HIF3A: variants seen among roughly 807,000 people sequenced by gnomAD.
HIF3A encodes hypoxia-inducible factor 3-alpha.
In HIF3A, 41 loss-of-function variants were observed where a neutral mutation model predicts 67.2. The observed-to-expected ratio is 0.61, with a 90% confidence interval of 0.48 to 0.79. HIF3A has a LOEUF of 0.79. HIF3A is among the 30% of genes least tolerant of loss of function. The probability of loss-of-function intolerance (pLI) is 0.00; values close to 1 mark genes in which losing one functional copy is unlikely to be tolerated. For synonymous variants in HIF3A, 356 were observed against 374.8 expected (o/e 0.95, Z 0.58); for missense variants, 855 against 898.0 (o/e 0.95, Z 0.61).
At chr19:46,303,655 C>T (rs966158047) in intron 1 of HIF3A, 1 of 1,585,756 alleles carries the variant, frequency 6.3e-7, no homozygotes, top group Non-Finnish European at 8.6e-7. Context: ...AGGAGCGAGG[C>T]GCCAGAGGCA....
At position 46,321,965 on chromosome 19, in the gene HIF3A, C is replaced by T. The variant is rs141145645; in HGVS notation, c.1334C>T (p.Ser445Leu). ...LATRHPQSPL[S>L]ADLPDELPVG... ...ACACGGCACCCCCAAAGTCCTCTTT[C>T]GGTAAGCCATCCCACCCATGTGAGC... The change falls in exon 10 of 15, where the codon TCG becomes TTG. Residue 445 changes from serine to leucine, a missense_variant and splice_region_variant. By Grantham distance (145) the Ser-to-Leu change is moderately radical. Transcript: ENST00000377670. The T allele has an allele frequency of 1.3e-5, 21 of 1,613,476 alleles. No individual in the cohort carries two copies. The highest frequency in any genetic ancestry group is 6.7e-5 in the Admixed American group (4 of 59,992).
chr19:46,335,454 G>C, intron 14 of HIF3A, among the ~76,000 whole-genome samples: 1 of 151,950 alleles, frequency 6.6e-6, no homozygotes, highest in East Asian at 1.9e-4. Context: ...ATTTTTAGTA[G>C]AGATGAGGTT....
intron 12 of HIF3A, among the ~76,000 whole-genome samples, chr19:46,330,349 A>ATGTG (rs1971108713): frequency 6.6e-6 from 1 of 152,078 alleles, no homozygotes; most frequent in Non-Finnish European, 1.5e-5. Context: ...GTATGTATGT[A>ATGTG]TGTGTGTATG....
intron 9 of HIF3A, among the ~76,000 whole-genome samples, 157 bp from the exon 10 acceptor site, chr19:46,321,619 G>A (rs1165965597): frequency 1.3e-5 from 2 of 152,038 alleles, no homozygotes; most frequent in Non-Finnish European, 2.9e-5. Context: ...GGCCCAGCAG[G>A]GGTCCTCCAG....
At chr19:46,338,374 T>C in intron 14 of HIF3A, 1 of 405,958 alleles carries the variant, frequency 2.5e-6, no homozygotes, top group South Asian at 1.9e-5. Flanking sequence ...GGCTGATGTT[T>C]ATATGTTTTG....
Position 46,308,673 on chromosome 19 carries a change from G to C in HIF3A, c.459G>C (p.Arg153Ser). The change falls in exon 5 of 15, where the codon AGG (arginine) becomes AGC (serine). Residue 153 changes from arginine to serine, a missense_variant. Physicochemically the swap from Arg to Ser is moderately radical, Grantham distance 110 (BLOSUM62 -1). Coordinates refer to ENST00000377670, the MANE Select transcript of HIF3A (RefSeq NM_152795.4). ...CCCGGGCCTCCCCAGCCCTGTCCAG[G>C]AGGAAGGTGGAGGCCCCCACGGAGC... Reference protein sequence around the residue: ...DALTPQQTLSRRKVEAPTERC... With the variant: ...DALTPQQTLSSRKVEAPTERC... 1 of 1,604,924 alleles carries C rather than the reference G, an allele frequency of 6.2e-7. No individual in the cohort carries two copies. The highest frequency in any genetic ancestry group is 8.5e-7 in the Non-Finnish European group (1 of 1,176,014).
At chr19:46,304,247 T>G in intron 2 of HIF3A, 159 bp downstream of exon 2, 4 of 630,104 alleles carry the variant, frequency 6.3e-6, no homozygotes, top group Non-Finnish European at 1.1e-5. Flanking sequence ...TGGAATCGAC[T>G]TCCCCGGGGA....
In HIF3A at chr19:46,311,390, G is replaced by A. The variant is rs149089458; in HGVS notation, c.771-771G>A. Among the ~76,000 whole-genome samples the A allele has an allele frequency of 8.7e-4, 133 of 152,232 alleles. 1 individual carries two copies. Among genetic ancestry groups the A allele is most frequent in the African/African-American group, 2.3e-3 (96 of 41,544 alleles). On this transcript the variant is annotated intron_variant, in intron 6 of 14. Transcript: ENST00000377670. Reference sequence around the variant, plus strand: ...AGGATGGCTTGAGGCCAGGAGTTCCGGATCAGCCTGGACAGCATAGTGAGA... The same window carrying A: ...AGGATGGCTTGAGGCCAGGAGTTCCAGATCAGCCTGGACAGCATAGTGAGA...
intron 8 of HIF3A, 109 bp from the exon 9 acceptor site, chr19:46,320,334 C>T (rs1970264154): frequency 2.6e-6 from 2 of 774,588 alleles, no homozygotes; most frequent in Non-Finnish European, 4.4e-6. Flanking sequence ...GCCCTCCAAG[C>T]CCCTGGGCGC....
chr19:46,327,828 AACAG>A (rs1970902555), intron 11 of HIF3A, among the ~76,000 whole-genome samples: 1 of 152,204 alleles, frequency 6.6e-6, no homozygotes, highest in Non-Finnish European at 1.5e-5. Context: ...ACAGATCAGA[AACAG>A]ACAAAGGAAG....
chr19:46,328,674 A>G (rs953232620), intron 11 of HIF3A, among the ~76,000 whole-genome samples: 6 of 151,534 alleles, frequency 4.0e-5, no homozygotes, highest in Non-Finnish European at 7.4e-5. Flanking sequence ...GCCCTCACTG[A>G]GTCTTCTCAA....
intron 12 of HIF3A, among the ~76,000 whole-genome samples, chr19:46,330,288 G>A (rs1167519147): frequency 1.3e-5 from 2 of 152,206 alleles, no homozygotes; most frequent in Admixed American, 6.5e-5. Flanking sequence ...CAGGTGGATG[G>A]ATGCATAGGT....
rs765807165 is a variant in HIF3A, at chr19:46,303,957, A to C, written c.86A>C (p.Gln29Pro). The C allele has an allele frequency of 1.2e-6, 2 of 1,605,696 alleles. No homozygotes were observed. The highest frequency in any genetic ancestry group is 1.7e-6 in the Non-Finnish European group (2 of 1,176,744). The change falls in exon 2 of 15, where the codon CAG becomes CCG. Residue 29 changes from glutamine to proline, a missense_variant. Coordinates refer to ENST00000377670, the MANE Select transcript of HIF3A (RefSeq NM_152795.4). ...GATGCGGCCCGCAGCCGGCGCAGCC[A>C]GGAGACCGAGGTGCTGTACCAGCTG... Reference protein sequence around the residue: ...SRDAARSRRSQETEVLYQLAH... With the variant: ...SRDAARSRRSPETEVLYQLAH...
intron 10 of HIF3A, among the ~76,000 whole-genome samples, chr19:46,323,345 G>A (rs113123952): frequency 8.6e-5 from 13 of 151,844 alleles, no homozygotes; most frequent in African/African-American, 2.4e-4. Flanking sequence ...CACCGCGCCC[G>A]GCCTCTGGGG....
intron 14 of HIF3A, chr19:46,338,145 G>C (rs1971761826): frequency 2.2e-6 from 1 of 453,086 alleles, no homozygotes; most frequent in Non-Finnish European, 4.4e-6. Context: ...GGTCACTGCT[G>C]TGTCTCTAGC....
intron 1 of HIF3A, among the ~76,000 whole-genome samples, chr19:46,299,709 CA>C (rs56080471): frequency 3.0e-4 from 34 of 111,582 alleles, no homozygotes; most frequent in African/African-American, 3.9e-4. Context: ...GACCTTGTCG[CA>C]AAAAAAAAAA....
Position 46,303,910 on chromosome 19 carries a change from G to C in HIF3A, c.39G>C (p.Glu13Asp), listed in dbSNP as rs771711197. 3 of 1,608,342 alleles carry C rather than the reference G, an allele frequency of 1.9e-6. No individual in the cohort carries two copies. The African/African-American group carries it at 4.0e-5, about 21-fold the overall frequency. The change falls in exon 2 of 15, where the codon GAG becomes GAC. Residue 13 changes from glutamate (E) to aspartate (D), a missense_variant. Physicochemically the swap from Glu to Asp is conservative, Grantham distance 45. Around this residue, in one of 3 missense-constraint regions of HIF3A, gnomAD observed 638 missense variants for 660.5 expected, o/e 0.97. Coordinates refer to ENST00000377670, the MANE Select transcript of HIF3A (RefSeq NM_152795.4). The part of the protein sequence containing the change: ...LGLQRARSTT[E>D]LRKEKSRDAA... ...CCCATGCCCTCAGGTCGACCACGGA[G>C]CTGCGCAAGGAAAAGTCCCGGGATG...
At chr19:46,304,353 A>G (rs1968636499) in intron 2 of HIF3A, among the ~76,000 whole-genome samples, 1 of 150,810 alleles carries the variant, frequency 6.6e-6, no homozygotes, top group Non-Finnish European at 1.5e-5. Flanking sequence ...CGCCCTTTGG[A>G]AGCCCCGCCT....
At chr19:46,305,737 G>A (rs566622182) in intron 3 of HIF3A, among the ~76,000 whole-genome samples, 8 of 152,154 alleles carry the variant, frequency 5.3e-5, no homozygotes, top group South Asian at 2.1e-4. Flanking sequence ...AGGGAACAGA[G>A]GAGGCAAAGG....
Sources: gnomAD v4.1 joint callset for allele counts (sites outside exome capture counted in the v4.1 genomes callset) on GRCh38, gnomAD v4.1.1 for gene constraint, gnomAD v4.1.1 regional missense constraint, MANE v1.5 for transcripts, NCBI Gene and HGNC (gene_info 2026-07-23, HGNC 2026-07-21) for gene names.